MKLN1: variants seen among roughly 807,000 people sequenced by gnomAD.
MKLN1 encodes muskelin.
In MKLN1, 18 loss-of-function variants were observed where a neutral mutation model predicts 99.0. The ratio of observed to expected loss-of-function variants is 0.18; its 90% CI spans 0.13 to 0.27. MKLN1 has a LOEUF of 0.27. MKLN1 is among the 10% of genes least tolerant of loss of function. The pLI is 1.00. For missense variants in MKLN1, 621 were observed against 875.9 expected (o/e 0.71, Z 3.67); for synonymous variants, 288 against 293.2 (o/e 0.98, Z 0.18).
chr7:131,425,260 T>C (rs888730558), intron 8 of MKLN1, among the ~76,000 whole-genome samples: 3 of 151,920 alleles, frequency 2.0e-5, no homozygotes, highest in African/African-American at 4.8e-5. Context: ...TCTATACTTT[T>C]GCTATTCTTT....
intron 1 of MKLN1, among the ~76,000 whole-genome samples, chr7:131,133,187 C>T (rs1406351121): frequency 3.3e-5 from 5 of 151,586 alleles, no homozygotes; most frequent in Non-Finnish European, 7.4e-5. Flanking sequence ...CTCAGGACTC[C>T]CATTCCATAA....
intron 3 of MKLN1, among the ~76,000 whole-genome samples, chr7:131,245,403 G>A (rs897113602): frequency 6.6e-6 from 1 of 151,982 alleles, no homozygotes; most frequent in African/African-American, 2.4e-5. Context: ...GAGTAGCTGG[G>A]ATTACAGGTG....
intron 3 of MKLN1, among the ~76,000 whole-genome samples, chr7:131,275,563 ATATATTTTTTTTT>A (rs1298836272): frequency 1.1e-4 from 1 of 9,060 alleles, no homozygotes; most frequent in African/African-American, 5.1e-4. Flanking sequence ...ATATATATAT[ATATATTTTTTTTT>A]TTTTTTTTTT....
intron 2 of MKLN1, among the ~76,000 whole-genome samples, chr7:131,386,467 A>G (rs1275308227): frequency 1.3e-5 from 2 of 152,186 alleles, no homozygotes; most frequent in Admixed American, 6.5e-5. Context: ...TCTCCAACAA[A>G]ACATCTGATT....
intron 1 of MKLN1, among the ~76,000 whole-genome samples, chr7:131,112,780 A>G (rs1795219134): frequency 6.6e-6 from 1 of 152,198 alleles, no homozygotes; most frequent in Non-Finnish European, 1.5e-5. Flanking sequence ...AGGGGTGTAC[A>G]AAAAAATAAT....
intron 3 of MKLN1, among the ~76,000 whole-genome samples, chr7:131,283,872 T>C (rs946303806): frequency 6.6e-6 from 1 of 152,256 alleles, no homozygotes; most frequent in Non-Finnish European, 1.5e-5. Flanking sequence ...GTAAATAGTG[T>C]ACATATTTTT....
At chr7:131,378,236 C>G (rs1044253125) in intron 2 of MKLN1, among the ~76,000 whole-genome samples, 1 of 152,126 alleles carries the variant, frequency 6.6e-6, no homozygotes, top group Non-Finnish European at 1.5e-5. Flanking sequence ...CTCAGCCTCC[C>G]GAGTAGCTGG....
chr7:131,166,552 T>G (rs1382706062), intron 2 of MKLN1, among the ~76,000 whole-genome samples: 3 of 152,368 alleles, frequency 2.0e-5, no homozygotes, highest in Non-Finnish European at 4.4e-5. Flanking sequence ...CCTGGCCTTC[T>G]TGCTGTTCCC....
intron 2 of MKLN1, among the ~76,000 whole-genome samples, chr7:131,375,850 CTTAATA>C (rs1185273367): frequency 6.7e-6 from 1 of 149,630 alleles, no homozygotes; most frequent in Non-Finnish European, 1.5e-5. Context: ...TATTATTATA[CTTAATA>C]TTAAAATAAT....
At chr7:131,137,715 C>T (rs1038919638) in intron 1 of MKLN1, among the ~76,000 whole-genome samples, 2 of 150,844 alleles carry the variant, frequency 1.3e-5, no homozygotes, top group East Asian at 2.0e-4. Context: ...GCTGGGATTA[C>T]GTGCATGCGC....
Position 131,470,833 on chromosome 7 carries a change from A to C in MKLN1, c.1929-9A>C, listed in dbSNP as rs181477125. 1 of 1,547,654 alleles carries C rather than the reference A, an allele frequency of 6.5e-7. No individual in the cohort carries two copies. Among genetic ancestry groups the C allele is most frequent in the South Asian group, 1.1e-5 (1 of 88,552 alleles). On this transcript the variant is annotated splice_polypyrimidine_tract_variant and intron_variant, in intron 15 of 17. Transcript: ENST00000352689. Reference sequence around the variant, plus strand: ...ACTCCAGATAATTATCCTTGTGTACATTTTCTAGGTTTGAAGAAAAGGCCC... The same window carrying C: ...ACTCCAGATAATTATCCTTGTGTACCTTTTCTAGGTTTGAAGAAAAGGCCC...
intron 12 of MKLN1, among the ~76,000 whole-genome samples, chr7:131,455,568 G>A (rs1796306993): frequency 1.3e-5 from 2 of 151,890 alleles, no homozygotes; most frequent in African/African-American, 2.4e-5. Context: ...AATGATTAAC[G>A]TTTACTGATC....
intron 1 of MKLN1, among the ~76,000 whole-genome samples, chr7:131,139,758 A>G (rs1327895677): frequency 4.6e-5 from 7 of 152,168 alleles, no homozygotes; most frequent in Non-Finnish European, 1.0e-4. Flanking sequence ...GTCTGTGTGG[A>G]CCTCAGAGGC....
At chr7:131,204,542 G>A (rs1287588245) in intron 3 of MKLN1, among the ~76,000 whole-genome samples, 1 of 152,200 alleles carries the variant, frequency 6.6e-6, no homozygotes, top group African/African-American at 2.4e-5. Context: ...TGAAAAAGCT[G>A]CAAGTTAGGC....
At chr7:131,172,897 C>T (rs1233312828) in intron 2 of MKLN1, among the ~76,000 whole-genome samples, 1 of 152,110 alleles carries the variant, frequency 6.6e-6, no homozygotes, top group Non-Finnish European at 1.5e-5. Flanking sequence ...TGATGAATGA[C>T]TTAAATGTAG....
chr7:131,327,821 C>T (rs1798927038), upstream of MKLN1: 1 of 1,554,426 alleles, frequency 6.4e-7, no homozygotes, highest in Non-Finnish European at 8.6e-7. Flanking sequence ...GCGGCGGCCC[C>T]TTTAAGAGCA....
chr7:131,283,347 T>C (rs1222496352), intron 3 of MKLN1, among the ~76,000 whole-genome samples: 11 of 14,630 alleles, frequency 7.5e-4, no homozygotes, highest in African/African-American at 1.9e-3. Context: ...TCCCTTCCCC[T>C]CCTTCCTTCC....
intron 2 of MKLN1, among the ~76,000 whole-genome samples, chr7:131,154,070 G>A (rs372460380): frequency 8.6e-5 from 13 of 151,890 alleles, no homozygotes; most frequent in Admixed American, 8.5e-4. Context: ...AGGTCAGAAG[G>A]GATATATATG....
At chr7:131,359,081 C>T (rs1247046417) in intron 1 of MKLN1, among the ~76,000 whole-genome samples, 2 of 151,966 alleles carry the variant, frequency 1.3e-5, no homozygotes, top group African/African-American at 4.8e-5. Flanking sequence ...AGTTGCTTTT[C>T]TCTAGTTTCC....
Sources: allele counts gnomAD v4.1 joint callset (sites outside exome capture counted in the v4.1 genomes callset), GRCh38; gene constraint gnomAD v4.1.1; transcripts MANE v1.5; gene names NCBI Gene and HGNC (gene_info 2026-07-23, HGNC 2026-07-21).